PRKN: variants seen among roughly 807,000 people sequenced by gnomAD.
PRKN encodes the protein parkin RBR E3 ubiquitin protein ligase, also known as E3 ubiquitin-protein ligase parkin.
In PRKN, 56 loss-of-function variants were observed where a neutral mutation model predicts 59.5. The ratio of observed to expected loss-of-function variants is 0.94; its 90% CI spans 0.76 to 1.18. The LOEUF (loss-of-function observed/expected upper bound fraction) is 1.18. PRKN is among the 50% of genes most tolerant of loss of function. The pLI is 0.00. For missense variants in PRKN, 657 were observed against 596.4 expected, an observed-to-expected ratio of 1.10 and a Z score of -1.06; for synonymous variants, 250 against 222.1, an observed-to-expected ratio of 1.13 and a Z score of -1.12.
Position 161,624,638 on chromosome 6 carries a change from C to T in PRKN, c.872-55222G>A, listed in dbSNP as rs531077387. ...GTTAGCACTGGGAGAAAAACACATT[C>T]GCTTCTGTTTCCCATAGGAATCGCA... On this transcript the variant is annotated intron_variant, in intron 7 of 11. Transcript: ENST00000366898. 7.9e-4 allele frequency among the ~76,000 whole-genome samples: 120 copies of T among 152,350 alleles called. 1 individual carries two copies. Among genetic ancestry groups the T allele is most frequent in the Middle Eastern group, 3.4e-3 (1 of 294 alleles).
At chr6:161,725,868 C>G (rs1787420525) in intron 7 of PRKN, among the ~76,000 whole-genome samples, 1 of 152,210 alleles carries the variant, frequency 6.6e-6, no homozygotes, top group Non-Finnish European at 1.5e-5. Flanking sequence ...TTCTCCCATC[C>G]TCGGTCATTG....
chr6:161,974,685 A>G (rs896532722), intron 5 of PRKN, among the ~76,000 whole-genome samples: 1 of 152,154 alleles, frequency 6.6e-6, no homozygotes, highest in South Asian at 2.1e-4. Context: ...AAAAAAATAC[A>G]TATATTTTAC....
chr6:162,195,100 T>A (rs573063312), intron 4 of PRKN, among the ~76,000 whole-genome samples: 12 of 152,160 alleles, frequency 7.9e-5, no homozygotes, highest in African/African-American at 2.9e-4. Flanking sequence ...AGAAACCAGC[T>A]TCGCTGTAGA....
intron 1 of PRKN, among the ~76,000 whole-genome samples, chr6:162,499,950 T>C (rs1338769667): frequency 6.6e-6 from 1 of 152,050 alleles, no homozygotes; most frequent in Non-Finnish European, 1.5e-5. Context: ...ATAGACAATA[T>C]CTGAATTAAT....
chr6:161,478,738 CAGGAGGCTGA>C (rs1192354653), intron 9 of PRKN, among the ~76,000 whole-genome samples: 3 of 152,022 alleles, frequency 2.0e-5, no homozygotes, highest in African/African-American at 7.2e-5. Context: ...CCCAGCTACT[CAGGAGGCTGA>C]GGTGGGACGA....
chr6:161,579,765 A>G lies in PRKN; in HGVS notation c.872-10349T>C, dbSNP rs1459815946. On this transcript the variant is annotated intron_variant, in intron 7 of 11. Coordinates refer to ENST00000366898, the MANE Select transcript of PRKN (RefSeq NM_004562.3). The surrounding 1 kb of genome is among the most constrained non-coding windows in gnomAD (Gnocchi z 4.2). ...GGAATGGGGCAGGGGAACAGAAAAG[A>G]GTTTATAGTTTTACAAGTACTTAAT... Among the ~76,000 whole-genome samples, 1 of 152,152 alleles carries G rather than the reference A, an allele frequency of 6.6e-6. No homozygotes were observed. The highest frequency in any genetic ancestry group is 1.5e-5 in the Non-Finnish European group (1 of 68,028).
At chr6:162,021,584 T>C (rs1783202705) in intron 5 of PRKN, among the ~76,000 whole-genome samples, 3 of 151,944 alleles carry the variant, frequency 2.0e-5, no homozygotes, top group African/African-American at 7.2e-5. Context: ...AAGAAACATA[T>C]TACTCATCCG....
chr6:162,348,736 CAG>C (rs1784505587), intron 2 of PRKN, among the ~76,000 whole-genome samples: 1 of 151,940 alleles, frequency 6.6e-6, no homozygotes, highest in South Asian at 2.1e-4. Flanking sequence ...CTTACAAAAA[CAG>C]AGCTAAATTT....
rs1790537357 is a variant in PRKN, at chr6:161,467,492, A to G, written c.1084-80615T>C. Among the ~76,000 whole-genome samples the G allele has an allele frequency of 6.6e-6, 1 of 152,194 alleles. No homozygotes were observed. The highest frequency in any genetic ancestry group is 6.5e-5 in the Admixed American group (1 of 15,286). On this transcript the variant is annotated intron_variant, in intron 9 of 11. Coordinates refer to ENST00000366898, the MANE Select transcript of PRKN (RefSeq NM_004562.3). This position sits in a 1 kb window ranked among gnomAD's most constrained non-coding sequence, Gnocchi z 4.3. ...GCATTTCTCTGTAAGCATATGGTCCAATGGGGAAGACCTAGATACAATTTT... is the reference window on the plus strand; with the variant it reads ...GCATTTCTCTGTAAGCATATGGTCCGATGGGGAAGACCTAGATACAATTTT...
chr6:161,364,184 A>C (rs1340184062), intron 10 of PRKN, among the ~76,000 whole-genome samples: 1 of 148,654 alleles, frequency 6.7e-6, no homozygotes, highest in African/African-American at 2.5e-5. Context: ...AAAAAAAAAA[A>C]AAAGAAAAGA....
chr6:162,212,032 G>A (rs1366806557), intron 3 of PRKN, among the ~76,000 whole-genome samples: 4 of 152,024 alleles, frequency 2.6e-5, no homozygotes, highest in African/African-American at 9.7e-5. Context: ...TGTTCTAAAA[G>A]TCTGCACTGG....
intron 1 of PRKN, among the ~76,000 whole-genome samples, chr6:162,573,441 G>A (rs1217842958): frequency 2.0e-5 from 3 of 151,828 alleles, no homozygotes; most frequent in African/African-American, 7.3e-5. Flanking sequence ...TAACACCTTC[G>A]AGTTCTTCCA....
chr6:161,725,871 G>A (rs947257198), intron 7 of PRKN, among the ~76,000 whole-genome samples: 10 of 152,238 alleles, frequency 6.6e-5, no homozygotes, highest in Non-Finnish European at 1.0e-4. Flanking sequence ...TCCCATCCTC[G>A]GTCATTGCTC....
chr6:161,684,287 G>T (rs191078082), intron 7 of PRKN, among the ~76,000 whole-genome samples: 1 of 151,988 alleles, frequency 6.6e-6, no homozygotes, highest in East Asian at 1.9e-4. Flanking sequence ...TAGAGATGAG[G>T]GTCTTACCAT....
chr6:162,210,621 T>A (rs1785162776), intron 3 of PRKN, among the ~76,000 whole-genome samples: 1 of 152,194 alleles, frequency 6.6e-6, no homozygotes, highest in African/African-American at 2.4e-5. Context: ...CAATTAAATA[T>A]TTAATAATAT....
At chr6:162,390,499 T>C (rs983686377) in intron 2 of PRKN, among the ~76,000 whole-genome samples, 3 of 151,492 alleles carry the variant, frequency 2.0e-5, no homozygotes, top group African/African-American at 7.3e-5. Context: ...TGGAGTGCAC[T>C]GGCACAATCT....
At chr6:162,402,248 CAA>C (rs3081921) in intron 2 of PRKN, among the ~76,000 whole-genome samples, 47,416 of 125,014 alleles carry the variant, frequency 0.38, 7,576 homozygotes, top group African/African-American at 0.45. Flanking sequence ...GACTCTGTCT[CAA>C]AAAAAAAAAA....
chr6:161,588,911 A>C lies in PRKN; in HGVS notation c.872-19495T>G, dbSNP rs1010987564. ...TTTTTTTTTAGCCTAAGCCTGACCC[A>C]GATATTTTTGTTAACCTGAAATGCA... is the stretch of plus-strand genomic sequence containing the variant. On this transcript the variant is annotated intron_variant, in intron 7 of 11. Transcript: ENST00000366898. The surrounding 1 kb of genome is among the most constrained non-coding windows in gnomAD (Gnocchi z 5.0). Among the ~76,000 whole-genome samples the C allele has an allele frequency of 1.3e-5, 2 of 152,164 alleles. No homozygotes were observed. The highest frequency in any genetic ancestry group is 2.9e-5 in the Non-Finnish European group (2 of 68,024).
At chr6:161,969,479 G>C (rs892541984) in intron 6 of PRKN, among the ~76,000 whole-genome samples, 7 of 152,000 alleles carry the variant, frequency 4.6e-5, no homozygotes, top group African/African-American at 1.5e-4. Flanking sequence ...TGGGATTTCA[G>C]CTGGTGAGGT....
Sources: allele counts gnomAD v4.1 joint callset (sites outside exome capture counted in the v4.1 genomes callset), GRCh38; gene constraint gnomAD v4.1.1; non-coding constraint Gnocchi (gnomAD v3.1); transcripts MANE v1.5; gene names NCBI Gene and HGNC (gene_info 2026-07-23, HGNC 2026-07-21).